The following RHOJ variants were observed in gnomAD, a reference collection of about 807,000 sequenced individuals.
The protein encoded by RHOJ is rho-related GTP-binding protein RhoJ.
Under a neutral mutation model 23.4 loss-of-function variants are expected in RHOJ, and 11 were observed. The ratio of observed to expected loss-of-function variants is 0.47; its 90% confidence interval spans 0.30 to 0.78. The LOEUF is 0.78. Ranked by LOEUF, RHOJ falls within the 30% of genes least tolerant of loss-of-function variation. The probability of loss-of-function intolerance (pLI) is 0.08; values close to 1 mark genes in which losing one functional copy is unlikely to be tolerated. For missense variants in RHOJ, 254 were observed against 273.4 expected (o/e 0.93, Z 0.50); for synonymous variants, 102 against 102.7 (o/e 0.99, Z 0.04).
chr14:63,284,906 G>A (rs758453737), intron 4 of RHOJ, among the ~76,000 whole-genome samples: 2 of 152,090 alleles, frequency 1.3e-5, no homozygotes, highest in Non-Finnish European at 2.9e-5. Flanking sequence ...TGGAACAATG[G>A]CTGAGTTCAC....
chr14:63,212,871 A>G (rs1477164617), intron 1 of RHOJ, among the ~76,000 whole-genome samples: 1 of 152,200 alleles, frequency 6.6e-6, no homozygotes, highest in South Asian at 2.1e-4. Context: ...ATAGAGTGCT[A>G]TGGACTCAGT....
intron 2 of RHOJ, among the ~76,000 whole-genome samples, chr14:63,273,361 T>G (rs571448151): frequency 6.6e-6 from 1 of 152,322 alleles, no homozygotes; most frequent in Admixed American, 6.5e-5. Context: ...TCCCTAGTAG[T>G]GTGTTACTGA....
intron 3 of RHOJ, among the ~76,000 whole-genome samples, chr14:63,281,745 T>C (rs1287115996): frequency 1.3e-5 from 2 of 152,310 alleles, no homozygotes; most frequent in East Asian, 1.9e-4. Flanking sequence ...TTTCCATAGT[T>C]TGAGTTTCCA....
At chr14:63,215,107 C>A (rs1053657784) in intron 1 of RHOJ, among the ~76,000 whole-genome samples, 2 of 152,174 alleles carry the variant, frequency 1.3e-5, no homozygotes. Context: ...CTCTGCAAAT[C>A]CTTCTGTTCT....
intron 2 of RHOJ, among the ~76,000 whole-genome samples, chr14:63,269,757 G>A (rs1014756832): frequency 2.0e-5 from 3 of 152,172 alleles, no homozygotes; most frequent in Non-Finnish European, 4.4e-5. Flanking sequence ...CACTTTGTCA[G>A]GACTGTTTCT....
intron 1 of RHOJ, among the ~76,000 whole-genome samples, chr14:63,265,917 G>A (rs890245981): frequency 6.6e-6 from 1 of 152,222 alleles, no homozygotes; most frequent in Non-Finnish European, 1.5e-5. Context: ...AAGGGGAGTT[G>A]CAGAAACCAA....
At chr14:63,240,452 A>C (rs1255601095) in intron 1 of RHOJ, among the ~76,000 whole-genome samples, 1 of 152,244 alleles carries the variant, frequency 6.6e-6, no homozygotes, top group East Asian at 1.9e-4. Flanking sequence ...GTAGCACAGT[A>C]TAACAAATGC....
At chr14:63,215,904 T>C (rs1403936030) in intron 1 of RHOJ, among the ~76,000 whole-genome samples, 5 of 152,198 alleles carry the variant, frequency 3.3e-5, no homozygotes, top group Admixed American at 1.3e-4. Context: ...GAACTGTTTG[T>C]TGAATGAATG....
chr14:63,284,407 C>G, intron 4 of RHOJ: 1 of 940,670 alleles, frequency 1.1e-6, no homozygotes, highest in South Asian at 4.9e-5. Context: ...AATAATATCT[C>G]TCACTTCAGC....
At chr14:63,215,434 A>G (rs1262937309) in intron 1 of RHOJ, among the ~76,000 whole-genome samples, 1 of 152,246 alleles carries the variant, frequency 6.6e-6, no homozygotes, top group Non-Finnish European at 1.5e-5. Context: ...TGGCCTGAGC[A>G]GAATGCACCA....
chr14:63,212,494 C>T (rs1894260150), intron 1 of RHOJ, among the ~76,000 whole-genome samples: 1 of 152,168 alleles, frequency 6.6e-6, no homozygotes. Context: ...TGATTCTGTT[C>T]ATTTGATCTA....
intron 1 of RHOJ, among the ~76,000 whole-genome samples, chr14:63,228,016 C>T (rs1198111465): frequency 2.0e-5 from 3 of 152,098 alleles, no homozygotes; most frequent in Non-Finnish European, 2.9e-5. Flanking sequence ...AGGATAAGAA[C>T]GGCTTCCAAG....
chr14:63,227,514 A>G (rs1419626274), intron 1 of RHOJ, among the ~76,000 whole-genome samples: 2 of 152,250 alleles, frequency 1.3e-5, no homozygotes, highest in African/African-American at 2.4e-5. Flanking sequence ...TCAAGTTTAT[A>G]TAGAAAAACA....
intron 2 of RHOJ, among the ~76,000 whole-genome samples, chr14:63,276,423 G>A (rs1881720778): frequency 6.6e-6 from 1 of 152,290 alleles, no homozygotes; most frequent in Admixed American, 6.5e-5. Flanking sequence ...CAAAGAGTAA[G>A]AGAAACTTAA....
In RHOJ at chr14:63,234,556, T is replaced by G. The variant is rs1227727793; in HGVS notation, c.178+29509T>G. On this transcript the variant is annotated intron_variant, in intron 1 of 4. Coordinates refer to ENST00000316754, the MANE Select transcript of RHOJ (RefSeq NM_020663.5). The stretch of plus-strand genomic sequence containing the variant: ...TAAAAGAGATATGTTTTATTGGTAC[T>G]AGTAATAGTAATGCCATTTTGTGGT... 2.0e-5 allele frequency among the ~76,000 whole-genome samples: 3 copies of G among 152,258 alleles called. No homozygotes were observed. In the East Asian group the frequency reaches 5.8e-4, roughly 29 times the overall value.
intron 2 of RHOJ, among the ~76,000 whole-genome samples, chr14:63,276,169 G>A (rs1261900909): frequency 1.3e-5 from 2 of 152,160 alleles, no homozygotes; most frequent in Admixed American, 1.3e-4. Context: ...GCTTGTTACA[G>A]CACTGATGGT....
intron 1 of RHOJ, among the ~76,000 whole-genome samples, chr14:63,216,627 T>G (rs560041103): frequency 1.3e-5 from 2 of 152,320 alleles, no homozygotes; most frequent in South Asian, 4.1e-4. Context: ...CTAAATGCTT[T>G]TTTTTCTAAA....
At chr14:63,252,539 C>T (rs1295214423) in intron 1 of RHOJ, among the ~76,000 whole-genome samples, 1 of 152,098 alleles carries the variant, frequency 6.6e-6, no homozygotes, top group African/African-American at 2.4e-5. Flanking sequence ...ATTTTCAAAA[C>T]GTTGTTTTAA....
intron 1 of RHOJ, among the ~76,000 whole-genome samples, chr14:63,231,307 T>C (rs1894691500): frequency 6.6e-6 from 1 of 152,202 alleles, no homozygotes; most frequent in African/African-American, 2.4e-5. Context: ...TGTAAGAGAG[T>C]ACTTATGAAT....
Sources: allele counts gnomAD v4.1 joint callset (sites outside exome capture counted in the v4.1 genomes callset), GRCh38; gene constraint gnomAD v4.1.1; transcripts MANE v1.5; gene names NCBI Gene and HGNC (gene_info 2026-07-23, HGNC 2026-07-21).